Variants in USH2A observed in about 807,000 individuals in gnomAD.
USH2A encodes Usher syndrome 2A (autosomal recessive, mild).
In USH2A, 443 loss-of-function variants were observed where a neutral mutation model predicts 538.9. The ratio of observed to expected loss-of-function variants is 0.82; its 90% CI spans 0.76 to 0.89. The LOEUF is 0.89. USH2A is among the 40% of genes least tolerant of loss of function. The pLI is 0.00. For missense variants in USH2A, 6,633 were observed against 6,324.8 expected (o/e 1.05, Z -1.65); for synonymous variants, 2,413 against 2,273.5 (o/e 1.06, Z -1.75).
intron 11 of USH2A, among the ~76,000 whole-genome samples, chr1:216,275,727 G>A (rs527453908): frequency 1.3e-5 from 2 of 152,134 alleles, no homozygotes; most frequent in Non-Finnish European, 2.9e-5. Flanking sequence ...ACTAAGGGAG[G>A]TACATTAAGT....
intron 37 of USH2A, among the ~76,000 whole-genome samples, chr1:215,939,946 A>G (rs2102504743): frequency 6.6e-6 from 1 of 152,230 alleles, no homozygotes; most frequent in Admixed American, 6.5e-5. Context: ...CAGTATCATA[A>G]CACACACAAT....
intron 48 of USH2A, among the ~76,000 whole-genome samples, chr1:215,814,133 T>G (rs536719452): frequency 6.7e-6 from 1 of 148,298 alleles, no homozygotes; most frequent in Non-Finnish European, 1.5e-5. Flanking sequence ...TGTGCTCTAT[T>G]ATAATACTAT....
intron 67 of USH2A, among the ~76,000 whole-genome samples, chr1:215,644,731 A>T (rs1047789820): frequency 4.6e-5 from 7 of 152,220 alleles, no homozygotes; most frequent in Non-Finnish European, 5.9e-5. Context: ...GGCCAAAGGC[A>T]AACTTAGAAA....
chr1:215,969,802 A>G (rs1006851252), intron 36 of USH2A, among the ~76,000 whole-genome samples: 9 of 152,248 alleles, frequency 5.9e-5, no homozygotes, highest in Non-Finnish European at 1.2e-4. Flanking sequence ...TATATAATAT[A>G]CTCTTCAGTG....
intron 4 of USH2A, among the ~76,000 whole-genome samples, chr1:216,335,617 A>G (rs578150847): frequency 2.6e-5 from 4 of 151,634 alleles, no homozygotes; most frequent in Non-Finnish European, 4.4e-5. Flanking sequence ...GCAGTCACAA[A>G]AAAGGATCAT....
At chr1:215,871,810 G>A (rs1278012042) in intron 43 of USH2A, among the ~76,000 whole-genome samples, 3 of 152,122 alleles carry the variant, frequency 2.0e-5, no homozygotes, top group East Asian at 3.9e-4. Flanking sequence ...AAGTCTTCAC[G>A]GAGGAGGTAA....
intron 47 of USH2A, among the ~76,000 whole-genome samples, chr1:215,827,568 A>T (rs1478030006): frequency 6.6e-6 from 1 of 152,176 alleles, no homozygotes; most frequent in African/African-American, 2.4e-5. Flanking sequence ...ACAGAATGTG[A>T]TAATCAGAAC....
intron 30 of USH2A, among the ~76,000 whole-genome samples, chr1:216,062,359 C>G (rs528369196): frequency 1.7e-4 from 26 of 152,146 alleles, no homozygotes; most frequent in African/African-American, 5.8e-4. Flanking sequence ...AAAGGCAGAT[C>G]ATATCAAAGA....
At chr1:215,757,260 C>A (rs914670945) in intron 58 of USH2A, among the ~76,000 whole-genome samples, 1 of 152,102 alleles carries the variant, frequency 6.6e-6, no homozygotes, top group Non-Finnish European at 1.5e-5. Context: ...TCTTTGTAAA[C>A]TTTCTTTTGA....
At position 216,138,175 on chromosome 1, in the gene USH2A, C is replaced by A. The variant is rs139468682; in HGVS notation, c.4627+37077G>T. 1.4e-4 allele frequency among the ~76,000 whole-genome samples: 21 copies of A among 152,150 alleles called. No individual in the cohort carries two copies. The East Asian group carries it at 3.3e-3, about 24-fold the overall frequency. On this transcript the variant is annotated intron_variant, in intron 21 of 71. Coordinates refer to ENST00000307340, the MANE Select transcript of USH2A (RefSeq NM_206933.4). Reference sequence around the variant, plus strand: ...CTACAGATTATAAGAGTTTTGAAAGCAGATAGACACATCACTAATCTTTGT... The same window carrying A: ...CTACAGATTATAAGAGTTTTGAAAGAAGATAGACACATCACTAATCTTTGT...
chr1:215,697,934 C>T (rs994661769), intron 61 of USH2A, among the ~76,000 whole-genome samples: 16 of 152,100 alleles, frequency 1.1e-4, no homozygotes, highest in Non-Finnish European at 2.1e-4. Flanking sequence ...CCCATCAGCC[C>T]GTCATCTACA....
intron 54 of USH2A, 109 bp from the exon 55 acceptor site, chr1:215,780,150 T>C (rs1661588388): frequency 1.6e-6 from 2 of 1,214,764 alleles, no homozygotes; most frequent in East Asian, 5.0e-5. Flanking sequence ...GGCATATCAT[T>C]AGCAGGGGCT....
chr1:216,046,662 C>A, intron 31 of USH2A, 70 bp from the exon 32 acceptor site: 4 of 1,563,198 alleles, frequency 2.6e-6, no homozygotes, highest in Non-Finnish European at 3.5e-6. Flanking sequence ...CAGACCCAAA[C>A]CAATAAATCA....
rs555327567 is a variant in USH2A, at chr1:215,629,777, T to C, written c.15298-742A>G. On this transcript the variant is annotated intron_variant, in intron 70 of 71. Transcript: ENST00000307340. ...TTCTGCTTTTTCTTTTCTTTTCTTTTTTTTTTTTTTTTTTTTGAGACAGAG... is the reference window on the plus strand; with the variant it reads ...TTCTGCTTTTTCTTTTCTTTTCTTTCTTTTTTTTTTTTTTTTGAGACAGAG... 6.5e-3 allele frequency among the ~76,000 whole-genome samples: 952 copies of C among 146,466 alleles called. 4 individuals carry two copies. The highest frequency in any genetic ancestry group is 0.01 in the Admixed American group (153 of 14,802).
At chr1:216,028,899 C>T (rs948897296) in intron 32 of USH2A, among the ~76,000 whole-genome samples, 1 of 151,860 alleles carries the variant, frequency 6.6e-6, no homozygotes, top group Non-Finnish European at 1.5e-5. Flanking sequence ...ACAGTCTGGT[C>T]CCAATTATAT....
chr1:215,963,719 T>C (rs1223482138), intron 37 of USH2A, among the ~76,000 whole-genome samples: 1 of 152,132 alleles, frequency 6.6e-6, no homozygotes, highest in African/African-American at 2.4e-5. Flanking sequence ...TAATAATGCT[T>C]GCCTTGGTCT....
intron 48 of USH2A, among the ~76,000 whole-genome samples, chr1:215,814,671 G>A (rs935897344): frequency 2.6e-5 from 4 of 151,948 alleles, no homozygotes; most frequent in East Asian, 1.9e-4. Context: ...TTCACCTTCC[G>A]CCATGATTGT....
Position 215,674,833 on chromosome 1 carries a change from T to C in USH2A, c.13078A>G (p.Ser4360Gly), listed in dbSNP as rs794727825. 1 of 1,614,144 alleles carries C rather than the reference T, an allele frequency of 6.2e-7. No homozygotes were observed. The highest frequency in any genetic ancestry group is 8.5e-7 in the Non-Finnish European group (1 of 1,180,014). The change falls in exon 63 of 72, where the codon AGC (serine) becomes GGC (glycine). Residue 4360 changes from serine to glycine, a missense_variant. Physicochemically the swap from Ser to Gly is moderately conservative, Grantham distance 56. Coordinates refer to ENST00000307340, the MANE Select transcript of USH2A (RefSeq NM_206933.4). Reference protein sequence around the residue: ...TTLEAAPSEVSPPDLWAVSAT... With the variant: ...TTLEAAPSEVGPPDLWAVSAT... Reference sequence around the variant, plus strand: ...CTGACGGCCCAAAGATCTGGAGGGCTGACTTCTGATGGAGCAGCCTCCAGA... The same window carrying C: ...CTGACGGCCCAAAGATCTGGAGGGCCGACTTCTGATGGAGCAGCCTCCAGA...
chr1:216,088,105 T>C (rs1392588320), intron 23 of USH2A, among the ~76,000 whole-genome samples: 1 of 152,132 alleles, frequency 6.6e-6, no homozygotes, highest in African/African-American at 2.4e-5. Context: ...ATGCCACATG[T>C]AGTGTGCTCT....
Sources: gnomAD v4.1 joint callset for allele counts (sites outside exome capture counted in the v4.1 genomes callset) on GRCh38, gnomAD v4.1.1 for gene constraint, MANE v1.5 for transcripts, NCBI Gene and HGNC (gene_info 2026-07-23, HGNC 2026-07-21) for gene names.